NSD3: variants seen among roughly 807,000 people sequenced by gnomAD.
The protein encoded by NSD3 is nuclear receptor binding SET domain protein 3.
NSD3 carries 24 observed loss-of-function variants against 160.8 expected under a neutral mutation model. The observed-to-expected ratio is 0.15, with a 90% CI of 0.11 to 0.21. The LOEUF (loss-of-function observed/expected upper bound fraction) is 0.21. Among genes scored for constraint, NSD3 ranks in the 10% least tolerant of loss-of-function variants. The probability of loss-of-function intolerance (pLI) is 1.00; values close to 1 mark genes in which losing one functional copy is unlikely to be tolerated. For synonymous variants in NSD3, 520 were observed against 600.0 expected (o/e 0.87, Z 1.95); for missense variants, 1,157 against 1,735.9 (o/e 0.67, Z 5.93).
In NSD3 at chr8:38,348,005, C is replaced by G. The variant is rs773728651; in HGVS notation, c.167G>C (p.Gly56Ala). Residue 56 changes from glycine (G) to alanine (A), a missense_variant, in exon 2 of 24, where the codon GGC becomes GCC. Physicochemically the swap from Gly to Ala is moderately conservative, Grantham distance 60 (BLOSUM62 0). Coordinates refer to ENST00000317025, the MANE Select transcript of NSD3 (RefSeq NM_023034.2). ...TTCTGTTGTAGCTGGGTACTGAAAG[C>G]CTTGCTGCAAAGTAGCTTCATATGG... Reference protein sequence around the residue: ...QTPYEATLQQGFQYPATTEDL... With the variant: ...QTPYEATLQQAFQYPATTEDL... 3.1e-6 allele frequency: 5 copies of G among 1,614,154 alleles called. No individual in the cohort carries two copies. The East Asian group carries it at 8.9e-5, about 29-fold the overall frequency.
chr8:38,301,595 T>C (rs1238522247), intron 14 of NSD3, among the ~76,000 whole-genome samples: 1 of 152,120 alleles, frequency 6.6e-6, no homozygotes, highest in African/African-American at 2.4e-5. Flanking sequence ...AAAAAAGTTA[T>C]ATAATGTTGA....
At chr8:38,360,031 T>C (rs906863158) in intron 1 of NSD3, among the ~76,000 whole-genome samples, 7 of 151,274 alleles carry the variant, frequency 4.6e-5, no homozygotes, top group Non-Finnish European at 7.4e-5. Context: ...GGTCTCACTA[T>C]ATCACTGAGG....
chr8:38,291,048 A>G (rs186322663), intron 16 of NSD3, among the ~76,000 whole-genome samples: 3 of 152,212 alleles, frequency 2.0e-5, no homozygotes, highest in African/African-American at 7.2e-5. Context: ...CTTTCAAGGT[A>G]TAACAGTTTA....
Position 38,304,611 on chromosome 8 carries a change from C to G in NSD3, c.2587G>C (p.Gly863Arg). The change falls in exon 14 of 24, where the codon GGC becomes CGC. Residue 863 changes from glycine to arginine, a missense_variant. Transcript: ENST00000317025. ...RSSNSSAVNV[G>R]FCFVCARGLI... ...CCTCTGGCACAAACGAAACAAAAGCCTACATTTACAGCAGAAGAATTACTG... is the reference window on the plus strand; with the variant it reads ...CCTCTGGCACAAACGAAACAAAAGCGTACATTTACAGCAGAAGAATTACTG... 1.2e-6 allele frequency: 2 copies of G among 1,611,886 alleles called. No homozygotes were observed. The highest frequency in any genetic ancestry group is 1.7e-6 in the Non-Finnish European group (2 of 1,179,254).
At chr8:38,291,290 G>A (rs1359785709) in intron 16 of NSD3, among the ~76,000 whole-genome samples, 1 of 152,140 alleles carries the variant, frequency 6.6e-6, no homozygotes, top group African/African-American at 2.4e-5. Context: ...TATGATAATT[G>A]AATACTACAG....
intron 7 of NSD3, among the ~76,000 whole-genome samples, chr8:38,325,247 T>C (rs1054029667): frequency 6.6e-6 from 1 of 152,192 alleles, no homozygotes; most frequent in African/African-American, 2.4e-5. Flanking sequence ...GAGAATCAAA[T>C]TGAATCATAG....
At chr8:38,343,152 G>A (rs1048549402) in intron 2 of NSD3, among the ~76,000 whole-genome samples, 6 of 151,730 alleles carry the variant, frequency 4.0e-5, no homozygotes, top group Non-Finnish European at 8.8e-5. Flanking sequence ...AGCCGAGATC[G>A]TGCCACTGTA....
chr8:38,281,627 T>C (rs1328027049), intron 19 of NSD3, 44 bp from the exon 20 acceptor site: 1 of 1,345,514 alleles, frequency 7.4e-7, no homozygotes, highest in Non-Finnish European at 1.0e-6. Flanking sequence ...CAGTGTATTA[T>C]ATAAAGCATT....
intron 12 of NSD3, among the ~76,000 whole-genome samples, chr8:38,307,920 C>T (rs1809447139): frequency 6.6e-6 from 1 of 152,074 alleles, no homozygotes; most frequent in Admixed American, 6.5e-5. Context: ...TTTAACACCA[C>T]AAAACATAAA....
In NSD3 at chr8:38,275,638, C is replaced by A. The variant is rs769150424; in HGVS notation, c.*3G>T. 1.2e-6 allele frequency: 2 copies of A among 1,612,550 alleles called. No homozygotes were observed. Among genetic ancestry groups the A allele is most frequent in the African/African-American group, 2.7e-5 (2 of 74,902 alleles). The stretch of plus-strand genomic sequence containing the variant: ...TAAATAGAAAGGAGGGGACACCACA[C>A]ATTTATTCTTTTACTTCTTCTCCAT... On this transcript the variant is annotated 3_prime_UTR_variant, in exon 24 of 24. Transcript: ENST00000317025.
chr8:38,289,398 T>C lies in NSD3; in HGVS notation c.3226A>G (p.Ile1076Val), dbSNP rs778598931. The C allele has an allele frequency of 6.2e-7, 1 of 1,611,238 alleles. No individual in the cohort carries two copies. The highest frequency in any genetic ancestry group is 8.5e-7 in the Non-Finnish European group (1 of 1,178,722). Residue 1076 changes from isoleucine (I) to valine (V), a missense_variant, in exon 18 of 24, where the codon ATC (isoleucine) becomes GTC (valine). Coordinates refer to ENST00000317025, the MANE Select transcript of NSD3 (RefSeq NM_023034.2). ...NSRKPPPYKHIKANKVIGKVQ... is the reference protein window; with the variant it reads ...NSRKPPPYKHVKANKVIGKVQ... The stretch of plus-strand genomic sequence containing the variant: ...GGCCAGAGATAAAGACTTACTTTGA[T>C]GTGTTTGTAGGGAGGGGGTTTTCTT...
At chr8:38,324,041 C>T (rs1809851604) in intron 7 of NSD3, among the ~76,000 whole-genome samples, 1 of 152,134 alleles carries the variant, frequency 6.6e-6, no homozygotes, top group Non-Finnish European at 1.5e-5. Context: ...GGTAACAAAA[C>T]TGACATACCT....
chr8:38,297,155 AGTT>A (rs1280035181), intron 15 of NSD3, among the ~76,000 whole-genome samples: 1 of 152,232 alleles, frequency 6.6e-6, no homozygotes, highest in African/African-American at 2.4e-5. Context: ...AAAATTAAGT[AGTT>A]ATCAGTATAG....
At chr8:38,287,478 C>T (rs548780448) in intron 19 of NSD3, among the ~76,000 whole-genome samples, 2 of 152,036 alleles carry the variant, frequency 1.3e-5, no homozygotes, top group African/African-American at 4.8e-5. Flanking sequence ...ATATAGAAAA[C>T]GTTATAAAAG....
rs1808589219 is a variant in NSD3 at position 38,275,892 on chromosome 8, G to A, written c.4073-10C>T. ...GGACACTCCCACTTTCCTAATTCGG[G>A]GAGATGGGGAGGAAGAAGGAGAAGT... On this transcript the variant is annotated splice_polypyrimidine_tract_variant and intron_variant, in intron 23 of 23. Coordinates refer to ENST00000317025, the MANE Select transcript of NSD3 (RefSeq NM_023034.2). The A allele has an allele frequency of 1.9e-6, 3 of 1,610,076 alleles. No individual in the cohort carries two copies. Among genetic ancestry groups the A allele is most frequent in the Non-Finnish European group, 2.5e-6 (3 of 1,177,438 alleles).
chr8:38,346,523 C>T (rs1810540103), intron 2 of NSD3, among the ~76,000 whole-genome samples: 1 of 151,508 alleles, frequency 6.6e-6, no homozygotes, highest in Non-Finnish European at 1.5e-5. Flanking sequence ...ACCTTTAAGT[C>T]TTAGATCATT....
At chr8:38,285,324 A>G (rs921209003) in intron 19 of NSD3, among the ~76,000 whole-genome samples, 2 of 152,228 alleles carry the variant, frequency 1.3e-5, no homozygotes, top group Non-Finnish European at 2.9e-5. Context: ...TTTGGCACAC[A>G]TTTTCAGGAA....
chr8:38,331,733 C>T, intron 4 of NSD3, 148 bp from the exon 5 acceptor site: 1 of 738,518 alleles, frequency 1.4e-6, no homozygotes, highest in South Asian at 2.4e-5. Flanking sequence ...CCAATACCCA[C>T]CAGTTATAGA....
In NSD3 at chr8:38,321,053, C is replaced by T. The variant is rs1386619481; in HGVS notation, c.1809+19G>A. On this transcript the variant is annotated intron_variant, in intron 8 of 23. Coordinates refer to ENST00000317025, the MANE Select transcript of NSD3 (RefSeq NM_023034.2). This position sits in a 1 kb window ranked among gnomAD's most constrained non-coding sequence, Gnocchi z 4.7. The stretch of plus-strand genomic sequence containing the variant: ...TTTACAAATACAATGTTTTAACTCT[C>T]TACATGTAGGAAGCCAACCTGCTCC... 1 of 1,605,498 alleles carries T rather than the reference C, an allele frequency of 6.2e-7. No individual in the cohort carries two copies. The highest frequency in any genetic ancestry group is 2.2e-5 in the East Asian group (1 of 44,798).
Sources: allele counts gnomAD v4.1 joint callset (sites outside exome capture counted in the v4.1 genomes callset), GRCh38; gene constraint gnomAD v4.1.1; non-coding constraint Gnocchi (gnomAD v3.1); transcripts MANE v1.5; gene names NCBI Gene and HGNC (gene_info 2026-07-23, HGNC 2026-07-21).